The following NR1I2 variants were observed in gnomAD, a reference collection of about 807,000 sequenced individuals.
The protein encoded by NR1I2 is orphan nuclear receptor PAR1.
NR1I2 carries 42 observed loss-of-function variants against 43.3 expected under a neutral mutation model. That is an observed-to-expected ratio of 0.97 (90% CI 0.76 to 1.26). The LOEUF (loss-of-function observed/expected upper bound fraction) is 1.26. Ranked by LOEUF, NR1I2 falls within the 50% of genes most tolerant of loss-of-function variation. The pLI is 0.00. For missense variants in NR1I2, 559 were observed against 566.7 expected, an observed-to-expected ratio of 0.99 and a Z score of 0.14; for synonymous variants, 229 against 215.0, an observed-to-expected ratio of 1.06 and a Z score of -0.57.
intron 5 of NR1I2, among the ~76,000 whole-genome samples, chr3:119,813,345 G>C (rs1229440553): frequency 1.3e-5 from 2 of 152,192 alleles, no homozygotes; most frequent in African/African-American, 2.4e-5. Context: ...AGCAAGGAAT[G>C]AGAGGAATAG....
In NR1I2 at chr3:119,818,210, C is replaced by G; in HGVS notation, c.*998C>G. 1 of 985,742 alleles carries G rather than the reference C, an allele frequency of 1.0e-6. No homozygotes were observed. The highest frequency in any genetic ancestry group is 1.2e-6 in the Non-Finnish European group (1 of 830,046). The allele number at this position is 985,742 out of a possible 1,614,324, so 61.1% of individuals were successfully genotyped here. On this transcript the variant is annotated 3_prime_UTR_variant, in exon 9 of 9. Transcript: ENST00000393716. The stretch of plus-strand genomic sequence containing the variant: ...TCCTGGGGCTGGAATGCTGGGTATG[C>G]TCTGTGACAAGGCTACGCTGACAAT...
intron 6 of NR1I2, 90 bp from the exon 7 acceptor site, chr3:119,815,233 G>A: frequency 6.3e-7 from 1 of 1,577,610 alleles, no homozygotes. Flanking sequence ...CAGGAAGATG[G>A]AATGGTGGAA....
At chr3:119,815,911 GC>G in intron 8 of NR1I2, 80 bp downstream of exon 8, 2 of 1,212,250 alleles carry the variant, frequency 1.6e-6, no homozygotes, top group Non-Finnish European at 2.4e-6. Context: ...AGACTTCATG[GC>G]CAGAGGGTGG....
intron 8 of NR1I2, 141 bp downstream of exon 8, chr3:119,815,972 G>GCA: frequency 1.4e-6 from 1 of 728,850 alleles, no homozygotes; most frequent in Non-Finnish European, 2.4e-6. Flanking sequence ...ACACTTTTGA[G>GCA]CACTACCTAA....
intron 1 of NR1I2, among the ~76,000 whole-genome samples, chr3:119,799,609 T>A (rs953253306): frequency 1.3e-5 from 2 of 152,184 alleles, no homozygotes; most frequent in Non-Finnish European, 2.9e-5. Context: ...AAAAAAACTT[T>A]TAAAAGACAG....
intron 1 of NR1I2, among the ~76,000 whole-genome samples, chr3:119,794,220 T>C (rs2054962535): frequency 6.6e-6 from 1 of 151,782 alleles, no homozygotes; most frequent in South Asian, 2.1e-4. Flanking sequence ...TTTTTTGAGA[T>C]AGAGTCTCAC....
chr3:119,806,081 T>C lies in NR1I2; in HGVS notation c.-22-1148T>C, dbSNP rs565998738. Among the ~76,000 whole-genome samples, 8 of 152,342 alleles carry C rather than the reference T, an allele frequency of 5.3e-5. No homozygotes were observed. In the South Asian group the frequency reaches 1.4e-3, roughly 28 times the overall value. On this transcript the variant is annotated intron_variant, in intron 1 of 8. Transcript: ENST00000393716. ...TATGTGTTAGAATTTTACTAAAGTT[T>C]CGATTTTGGCATTAGAAAAAGCATC...
chr3:119,812,933 G>C lies in NR1I2; in HGVS notation c.767G>C (p.Ser256Thr). Residue 256 changes from serine (S) to threonine (T), a missense_variant, in exon 5 of 9, where the codon AGC (serine) becomes ACC (threonine). Transcript: ENST00000393716. ...ACCTACATGTTCAAAGGCATCATCA[G>C]CTTTGCCAAAGTCATCTCCTACTTC... 5 of 1,613,920 alleles carry C rather than the reference G, an allele frequency of 3.1e-6. No homozygotes were observed. Among genetic ancestry groups the C allele is most frequent in the Non-Finnish European group, 4.2e-6 (5 of 1,180,046 alleles).
In NR1I2 at chr3:119,817,481, C is replaced by T; in HGVS notation, c.*269C>T. On this transcript the variant is annotated 3_prime_UTR_variant, in exon 9 of 9. Coordinates refer to ENST00000393716, the MANE Select transcript of NR1I2 (RefSeq NM_003889.4). ...CTGTAGGTCAGGACCATCAGAGAGG[C>T]AAGGTTGCCCTTTCCTTTTAAAAGG... 7.5e-7 allele frequency: 1 copy of T among 1,327,120 alleles called. No individual in the cohort carries two copies. Among genetic ancestry groups the T allele is most frequent in the South Asian group, 1.5e-5 (1 of 65,330 alleles). The allele number at this position is 1,327,120 out of a possible 1,614,324, so 82.2% of individuals were successfully genotyped here. A position where few individuals can be genotyped will look rare whatever the true frequency, so the allele number is the denominator to read the frequency against.
chr3:119,792,517 G>A (rs1489525486), intron 1 of NR1I2: 119 of 1,061,942 alleles, frequency 1.1e-4, no homozygotes, highest in East Asian at 9.1e-4. Flanking sequence ...CCAATCTGCC[G>A]GCAGGGCAGT....
chr3:119,816,501 C>A (rs371556104), intron 8 of NR1I2, among the ~76,000 whole-genome samples: 8 of 152,154 alleles, frequency 5.3e-5, no homozygotes, highest in Admixed American at 6.6e-5. Flanking sequence ...TCTACATTTT[C>A]CCACGGAAGT....
chr3:119,803,521 C>A (rs76843586), intron 1 of NR1I2, among the ~76,000 whole-genome samples: 2,789 of 152,182 alleles, frequency 0.018, 35 homozygotes, highest in Middle Eastern at 0.088. Context: ...TTCTCAGCCT[C>A]CAGAACCATG....
intron 1 of NR1I2, among the ~76,000 whole-genome samples, chr3:119,797,384 T>C (rs1202153291): frequency 6.6e-6 from 1 of 152,150 alleles, no homozygotes; most frequent in Non-Finnish European, 1.5e-5. Context: ...GGAGGTGTCA[T>C]GGCCCTTCCT....
intron 1 of NR1I2, chr3:119,792,303 G>T: frequency 6.8e-7 from 1 of 1,460,208 alleles, no homozygotes; most frequent in East Asian, 2.3e-5. Flanking sequence ...AGCCACCTTT[G>T]GGCTCATCCT....
At chr3:119,785,387 G>A (rs957583937) in intron 1 of NR1I2, among the ~76,000 whole-genome samples, 1 of 152,192 alleles carries the variant, frequency 6.6e-6, no homozygotes, top group Non-Finnish European at 1.5e-5. Context: ...TAAGCTTGGG[G>A]TCTACTGGCC....
chr3:119,808,620 C>T (rs1285472624), intron 2 of NR1I2, among the ~76,000 whole-genome samples: 2 of 152,210 alleles, frequency 1.3e-5, no homozygotes, highest in Non-Finnish European at 2.9e-5. Context: ...GGGTACTATT[C>T]CTGGGACTCT....
intron 1 of NR1I2, chr3:119,791,679 C>G: frequency 2.9e-6 from 1 of 341,014 alleles, no homozygotes; most frequent in Non-Finnish European, 5.7e-6. Flanking sequence ...CTTTGGGAGG[C>G]TGAGGCGGGC....
chr3:119,793,287 T>G (rs1421224324), intron 1 of NR1I2, among the ~76,000 whole-genome samples: 1 of 152,190 alleles, frequency 6.6e-6, no homozygotes, highest in African/African-American at 2.4e-5. Context: ...TCTGGAAACT[T>G]GCTGCCCACC....
chr3:119,807,001 C>T (rs569985145), intron 1 of NR1I2, among the ~76,000 whole-genome samples: 1 of 152,314 alleles, frequency 6.6e-6, no homozygotes, highest in South Asian at 2.1e-4. Flanking sequence ...TGCTCCTGTT[C>T]ACATGTTCTA....
Sources: gnomAD v4.1 joint callset for allele counts (sites outside exome capture counted in the v4.1 genomes callset) on GRCh38, gnomAD v4.1.1 for gene constraint, MANE v1.5 for transcripts, NCBI Gene and HGNC (gene_info 2026-07-23, HGNC 2026-07-21) for gene names.